The following DAAM2 variants were observed in gnomAD, a reference collection of about 807,000 sequenced individuals.
DAAM2 encodes the protein disheveled-associated activator of morphogenesis 2.
A neutral mutation model predicts 120.7 loss-of-function variants in DAAM2; 39 were observed. That is an observed-to-expected ratio of 0.32 (90% confidence interval 0.25 to 0.42). The LOEUF (loss-of-function observed/expected upper bound fraction) is 0.42, where lower values mean the gene tolerates loss of function less well. DAAM2 is among the 10% of genes least tolerant of loss of function. The pLI is 1.00. For synonymous variants in DAAM2, 488 were observed against 524.9 expected, an observed-to-expected ratio of 0.93 and a Z score of 0.96; for missense variants, 1,283 against 1,401.7, an observed-to-expected ratio of 0.92 and a Z score of 1.35.
chr6:39,869,068 G>A (rs988192762), intron 7 of DAAM2, 135 bp downstream of exon 7: 6 of 680,842 alleles, frequency 8.8e-6, no homozygotes, highest in Non-Finnish European at 1.6e-5. Flanking sequence ...GCCTACATAG[G>A]TAGCATCATG....
chr6:39,818,341 C>G (rs536012510), intron 1 of DAAM2, among the ~76,000 whole-genome samples: 19 of 152,164 alleles, frequency 1.2e-4, no homozygotes, highest in African/African-American at 4.1e-4. Flanking sequence ...CACAAGGACC[C>G]AGGAAGTACC....
In DAAM2 at chr6:39,856,347, C is replaced by G. The variant is rs369889524; in HGVS notation, c.45C>G (p.Cys15Trp). The change falls in exon 2 of 25, where the codon TGC (cysteine) becomes TGG (tryptophan). Residue 15 changes from cysteine to tryptophan, a missense_variant. Around this residue, in one of 3 missense-constraint regions of DAAM2, gnomAD observed 197 missense variants for 189.3 expected, o/e 1.04. Transcript: ENST00000274867. Reference sequence around the variant, plus strand: ...GCCACCATGGCCTGGGCTTCCTGTGCTGCTTCGGGGGCAGTGACATCCCCG... The same window carrying G: ...GCCACCATGGCCTGGGCTTCCTGTGGTGCTTCGGGGGCAGTGACATCCCCG... The part of the protein sequence containing the change: ...KRSHHGLGFL[C>W]CFGGSDIPEI... 1.7e-5 allele frequency: 26 copies of G among 1,553,938 alleles called. No homozygotes were observed. Among genetic ancestry groups the G allele is most frequent in the Non-Finnish European group, 2.3e-5 (26 of 1,149,854 alleles).
intron 19 of DAAM2, among the ~76,000 whole-genome samples, chr6:39,895,343 C>G (rs561551390): frequency 3.9e-5 from 6 of 151,992 alleles, no homozygotes; most frequent in African/African-American, 9.7e-5. Context: ...TCAAGCAATT[C>G]TCCTGTCTCA....
chr6:39,793,006 A>C (rs994020640), intron 1 of DAAM2: 6 of 152,158 alleles, frequency 3.9e-5, no homozygotes, highest in African/African-American at 1.5e-4. Flanking sequence ...TGGGCGGGGG[A>C]AGGAGCATCT....
chr6:39,878,578 G>A lies in DAAM2; in HGVS notation c.1535G>A (p.Ser512Asn). 2 of 1,604,614 alleles carry A rather than the reference G, an allele frequency of 1.2e-6. No homozygotes were observed. The highest frequency in any genetic ancestry group is 8.5e-7 in the Non-Finnish European group (1 of 1,175,910). ...GTGGCAGAGCTGGTAGCCCAGCTCA[G>A]TGAACTCTCAGTATGCAAGCATCTC... Reference protein sequence around the residue: ...GQVAELVAQLSELSTGPVSSP... With the variant: ...GQVAELVAQLNELSTGPVSSP... Residue 512 changes from serine (S) to asparagine (N), a missense_variant, in exon 13 of 25, where the codon AGT becomes AAT. Ser to Asn is a conservative substitution (Grantham distance 46, BLOSUM62 1). This residue lies in a region of DAAM2 where 748 missense variants were observed against 768.6 expected (regional missense o/e 0.97). Coordinates refer to ENST00000274867, the MANE Select transcript of DAAM2 (RefSeq NM_001201427.2). This position sits in a 1 kb window ranked among gnomAD's most constrained non-coding sequence, Gnocchi z 5.0.
Position 39,902,153 on chromosome 6 carries a change from G to A in DAAM2, c.*116G>A. On this transcript the variant is annotated 3_prime_UTR_variant, in exon 25 of 25. Transcript: ENST00000274867. Reference sequence around the variant, plus strand: ...TGCTTGGTTTAGAGCCTTGGGCTGGGTCCTGGGATGGGGGGCTGTGTGTGG... The same window carrying A: ...TGCTTGGTTTAGAGCCTTGGGCTGGATCCTGGGATGGGGGGCTGTGTGTGG... The A allele has an allele frequency of 1.1e-6, 1 of 879,304 alleles. No homozygotes were observed. The highest frequency in any genetic ancestry group is 1.7e-6 in the Non-Finnish European group (1 of 597,286). 54.5% of individuals were successfully genotyped at this position (879,304 alleles called of 1,614,324 possible).
rs1483463240 is a variant in DAAM2, at chr6:39,901,388, G to T, written c.2898G>T (p.Gln966His). ...EFFGIFDTFL[Q>H]AFSEARQDLE... ...TTGGCATCTTTGATACCTTCTTGCA[G>T]GCCTTCTCAGAGGCCCGGCAGGATC... The change falls in exon 24 of 25, where the codon CAG becomes CAT. Residue 966 changes from glutamine to histidine, a missense_variant. By Grantham distance (24) the Gln-to-His change is conservative (BLOSUM62 0). Coordinates refer to ENST00000274867, the MANE Select transcript of DAAM2 (RefSeq NM_001201427.2). The surrounding 1 kb of genome is among the most constrained non-coding windows in gnomAD (Gnocchi z 4.5). 6.2e-7 allele frequency: 1 copy of T among 1,613,804 alleles called. No individual in the cohort carries two copies. Among genetic ancestry groups the T allele is most frequent in the African/African-American group, 1.3e-5 (1 of 74,930 alleles).
chr6:39,846,010 C>T (rs1464345644), intron 1 of DAAM2, among the ~76,000 whole-genome samples: 2 of 152,024 alleles, frequency 1.3e-5, no homozygotes, highest in Non-Finnish European at 1.5e-5. Flanking sequence ...GGTCTCAGCA[C>T]GGGATCACGT....
At chr6:39,794,226 A>G (rs545677127) in intron 1 of DAAM2, among the ~76,000 whole-genome samples, 10 of 152,312 alleles carry the variant, frequency 6.6e-5, no homozygotes, top group Non-Finnish European at 1.5e-4. Context: ...GCACATGCCT[A>G]TGTGTTTTTA....
At chr6:39,803,535 C>T (rs1761928152) in intron 1 of DAAM2, among the ~76,000 whole-genome samples, 1 of 152,174 alleles carries the variant, frequency 6.6e-6, no homozygotes, top group Admixed American at 6.5e-5. Context: ...AGTATCACTC[C>T]CTTTTCACAG....
chr6:39,853,249 T>C (rs936982957), intron 1 of DAAM2, among the ~76,000 whole-genome samples: 2 of 152,220 alleles, frequency 1.3e-5, no homozygotes, highest in Admixed American at 1.3e-4. Flanking sequence ...CCTGTGATTT[T>C]AGTCTTGGAT....
intron 16 of DAAM2, 98 bp downstream of exon 16, chr6:39,887,690 C>A (rs1473036081): frequency 5.0e-6 from 4 of 794,410 alleles, no homozygotes; most frequent in Non-Finnish European, 8.4e-6. Context: ...TCTCTGCTGT[C>A]CCCTGGGAGG....
At chr6:39,798,163 C>T (rs1761756094) in intron 1 of DAAM2, among the ~76,000 whole-genome samples, 1 of 152,208 alleles carries the variant, frequency 6.6e-6, no homozygotes, top group Admixed American at 6.5e-5. Flanking sequence ...AAGGTCATTA[C>T]TGCATGGTTG....
intron 1 of DAAM2, among the ~76,000 whole-genome samples, chr6:39,842,673 G>T (rs1396710344): frequency 6.6e-6 from 1 of 152,030 alleles, no homozygotes; most frequent in African/African-American, 2.4e-5. Flanking sequence ...ATGAATACAA[G>T]ATATTAAATA....
chr6:39,873,111 G>A, intron 9 of DAAM2, 127 bp from the exon 10 acceptor site: 1 of 651,876 alleles, frequency 1.5e-6, no homozygotes, highest in Non-Finnish European at 2.8e-6. Context: ...TTTAAGCCTG[G>A]GCCAGAGGCA....
At chr6:39,868,961 G>C in intron 7 of DAAM2, 28 bp downstream of exon 7, 1 of 1,489,502 alleles carries the variant, frequency 6.7e-7, no homozygotes, top group South Asian at 1.2e-5. Flanking sequence ...TGCCCTTGCT[G>C]TTCCCTGACT....
chr6:39,809,504 C>T (rs1185394575), intron 1 of DAAM2, among the ~76,000 whole-genome samples: 2 of 152,142 alleles, frequency 1.3e-5, no homozygotes, highest in African/African-American at 2.4e-5. Flanking sequence ...TCTATTGTAG[C>T]ATTTCCCAAA....
At chr6:39,812,191 G>T (rs150032283) in intron 1 of DAAM2, among the ~76,000 whole-genome samples, 1 of 152,176 alleles carries the variant, frequency 6.6e-6, no homozygotes, top group East Asian at 1.9e-4. Flanking sequence ...ACCTTCTGCA[G>T]CTGTTCTCCT....
intron 9 of DAAM2, among the ~76,000 whole-genome samples, chr6:39,872,573 C>A (rs1465186158): frequency 6.6e-6 from 1 of 152,208 alleles, no homozygotes; most frequent in Non-Finnish European, 1.5e-5. Context: ...TGAAAGCACA[C>A]AACTCTGCTT....
Sources: allele counts gnomAD v4.1 joint callset (sites outside exome capture counted in the v4.1 genomes callset), GRCh38; gene constraint gnomAD v4.1.1; regional missense constraint gnomAD v4.1.1; non-coding constraint Gnocchi (gnomAD v3.1); transcripts MANE v1.5; gene names NCBI Gene and HGNC (gene_info 2026-07-23, HGNC 2026-07-21).